Variants in NPAS2 observed in about 807,000 individuals in gnomAD.
NPAS2 encodes neuronal PAS domain protein 2.
A neutral mutation model predicts 107.5 loss-of-function variants in NPAS2; 23 were observed. The ratio of observed to expected loss-of-function variants is 0.21; its 90% CI spans 0.15 to 0.30. The LOEUF is 0.30. Ranked by LOEUF, NPAS2 falls within the 10% of genes least tolerant of loss-of-function variation. The pLI is 1.00. For missense variants in NPAS2, 756 were observed against 1,043.3 expected, an observed-to-expected ratio of 0.72 and a Z score of 3.79; for synonymous variants, 403 against 417.5, an observed-to-expected ratio of 0.97 and a Z score of 0.42.
chr2:100,837,017 C>A (rs1043798735), intron 1 of NPAS2, among the ~76,000 whole-genome samples: 10 of 152,268 alleles, frequency 6.6e-5, no homozygotes, highest in African/African-American at 2.2e-4. Flanking sequence ...GCCACACTCA[C>A]ATTGCTATTT....
chr2:100,869,900 CTTTTTTTTTTT>C (rs34489501), intron 1 of NPAS2, among the ~76,000 whole-genome samples: 1 of 82,468 alleles, frequency 1.2e-5, no homozygotes, highest in Non-Finnish European at 2.5e-5. Context: ...CTCCTGACTT[CTTTTTTTTTTT>C]TTTTTTTTTT....
At chr2:100,983,460 C>T (rs981253194) in intron 16 of NPAS2, 2 of 152,662 alleles carry the variant, frequency 1.3e-5, no homozygotes, top group Non-Finnish European at 2.9e-5. Context: ...CAGGGGCACT[C>T]CTGGTGGCTT....
intron 8 of NPAS2, 107 bp from the exon 9 acceptor site, chr2:100,964,754 C>G (rs570712067): frequency 2.9e-6 from 2 of 689,048 alleles, no homozygotes; most frequent in African/African-American, 3.8e-5. Context: ...GAGACTTGCT[C>G]GAAATGATTT....
chr2:100,988,295 A>T lies in NPAS2; in HGVS notation c.1827+19A>T, dbSNP rs1471641259. 1 of 1,604,600 alleles carries T rather than the reference A, an allele frequency of 6.2e-7. No individual in the cohort carries two copies. Among genetic ancestry groups the T allele is most frequent in the Admixed American group, 1.7e-5 (1 of 59,998 alleles). On this transcript the variant is annotated intron_variant, in intron 17 of 20. Transcript: ENST00000335681. ...AACCCAGGTAAATGTGCTCCTTGCC[A>T]GCTTCACTCCTTGCCTCTAGAGCAG...
At chr2:100,865,414 T>TA (rs1441081603) in intron 1 of NPAS2, among the ~76,000 whole-genome samples, 2 of 152,112 alleles carry the variant, frequency 1.3e-5, no homozygotes, top group African/African-American at 2.4e-5. Flanking sequence ...AGGCCCCACT[T>TA]ACCTGCTATG....
At chr2:100,960,060 A>G (rs994573296) in intron 7 of NPAS2, among the ~76,000 whole-genome samples, 6 of 152,092 alleles carry the variant, frequency 3.9e-5, no homozygotes, top group African/African-American at 1.4e-4. Context: ...TTGGGAGCTC[A>G]CCTTTGTCAT....
At chr2:100,878,349 C>T (rs555377435) in intron 1 of NPAS2, 2 of 985,428 alleles carry the variant, frequency 2.0e-6, no homozygotes, top group Admixed American at 1.2e-4. Flanking sequence ...AGGAGACTGT[C>T]ACCCACAACG....
At chr2:100,932,888 C>T (rs772390607) in intron 3 of NPAS2, 22 bp from the exon 4 acceptor site, 2 of 1,564,456 alleles carry the variant, frequency 1.3e-6, no homozygotes, top group South Asian at 1.1e-5. Flanking sequence ...AATATAAAGG[C>T]TTATTTGTGT....
intron 1 of NPAS2, chr2:100,878,381 G>C (rs968955384): frequency 1.9e-5 from 19 of 985,346 alleles, no homozygotes; most frequent in Non-Finnish European, 2.3e-5. Context: ...TTTGGAAGCA[G>C]CTGAGGACCT....
At chr2:100,919,774 C>G (rs1400884189) in intron 2 of NPAS2, among the ~76,000 whole-genome samples, 1 of 152,188 alleles carries the variant, frequency 6.6e-6, no homozygotes, top group Non-Finnish European at 1.5e-5. Context: ...CAGCTTTCCC[C>G]TGGGCTGTCC....
intron 3 of NPAS2, among the ~76,000 whole-genome samples, chr2:100,931,990 G>GTT (rs2104937397): frequency 6.6e-6 from 1 of 152,260 alleles, no homozygotes; most frequent in African/African-American, 2.4e-5. Flanking sequence ...CCAGGAAGTT[G>GTT]TTAAACAGGT....
intron 1 of NPAS2, among the ~76,000 whole-genome samples, chr2:100,901,208 G>A (rs764633016): frequency 1.3e-5 from 2 of 152,032 alleles, no homozygotes; most frequent in African/African-American, 2.4e-5. Context: ...GGTGGGGAAC[G>A]ATAAAACAAA....
intron 1 of NPAS2, among the ~76,000 whole-genome samples, chr2:100,848,504 G>T (rs771719451): frequency 1.8e-4 from 27 of 152,162 alleles, no homozygotes; most frequent in Non-Finnish European, 2.5e-4. Context: ...AATTCCCAAA[G>T]CCTGGAATTG....
intron 1 of NPAS2, among the ~76,000 whole-genome samples, chr2:100,866,962 C>T (rs1679294382): frequency 6.6e-6 from 1 of 152,168 alleles, no homozygotes; most frequent in African/African-American, 2.4e-5. Flanking sequence ...TTAAGCACAC[C>T]ATTTTAAAGA....
intron 1 of NPAS2, among the ~76,000 whole-genome samples, chr2:100,874,925 G>A (rs1259067962): frequency 1.3e-5 from 2 of 152,100 alleles, no homozygotes; most frequent in Admixed American, 6.5e-5. Flanking sequence ...GAGACGGATG[G>A]GCCCCGGTGA....
At chr2:100,851,369 G>A (rs773749060) in intron 1 of NPAS2, among the ~76,000 whole-genome samples, 9 of 152,180 alleles carry the variant, frequency 5.9e-5, no homozygotes, top group African/African-American at 2.2e-4. Flanking sequence ...TGGGCTTTCC[G>A]CAGCATTGCT....
chr2:100,915,449 G>C (rs143833285), intron 2 of NPAS2, among the ~76,000 whole-genome samples: 17 of 152,272 alleles, frequency 1.1e-4, no homozygotes, highest in African/African-American at 3.9e-4. Flanking sequence ...TATAAAGCTG[G>C]TTGTGAGTTT....
At chr2:100,950,972 T>G (rs965918621) in intron 7 of NPAS2, among the ~76,000 whole-genome samples, 3 of 152,300 alleles carry the variant, frequency 2.0e-5, no homozygotes, top group Admixed American at 1.3e-4. Flanking sequence ...AGAGGCACCT[T>G]GTAGAGAACC....
intron 7 of NPAS2, among the ~76,000 whole-genome samples, chr2:100,957,202 G>A (rs1274700540): frequency 6.6e-6 from 1 of 152,218 alleles, no homozygotes; most frequent in Non-Finnish European, 1.5e-5. Context: ...GGACAAGAAA[G>A]TAGTCTTTTT....
Sources: gnomAD v4.1 joint callset for allele counts (sites outside exome capture counted in the v4.1 genomes callset) on GRCh38, gnomAD v4.1.1 for gene constraint, MANE v1.5 for transcripts, NCBI Gene and HGNC (gene_info 2026-07-23, HGNC 2026-07-21) for gene names.